Variants in SLC36A4 observed in about 807,000 individuals in gnomAD.
The protein encoded by SLC36A4 is solute carrier family 36 member 4, also known as neutral amino acid uniporter 4.
In SLC36A4, 49 loss-of-function variants were observed where a neutral mutation model predicts 50.5. The ratio of observed to expected loss-of-function variants is 0.97; its 90% CI spans 0.77 to 1.23. The LOEUF is 1.23. Among genes scored for constraint, SLC36A4 ranks in the 50% most tolerant of loss-of-function variants. SLC36A4 has a pLI of 0.00. For synonymous variants in SLC36A4, 207 were observed against 206.5 expected (o/e 1.00, Z -0.02); for missense variants, 611 against 608.4 (o/e 1.00, Z -0.05).
chr11:93,189,641 C>T (rs1398860990), intron 1 of SLC36A4, among the ~76,000 whole-genome samples: 1 of 152,122 alleles, frequency 6.6e-6, no homozygotes, highest in Non-Finnish European at 1.5e-5. Context: ...TTCTTTCTGT[C>T]AGGGAGTGTG....
At chr11:93,154,320 A>G (rs1860247222) in intron 9 of SLC36A4, 43 bp from the exon 10 acceptor site, 4 of 1,042,572 alleles carry the variant, frequency 3.8e-6, no homozygotes, top group South Asian at 3.0e-5. Flanking sequence ...TTTAATGTGA[A>G]TTTAGTTTTC....
In SLC36A4 at chr11:93,144,781, A is replaced by G. The variant is rs964787027; in HGVS notation, c.*3756T>C. 5.9e-5 allele frequency: 9 copies of G among 152,042 alleles called. No homozygotes were observed. Among genetic ancestry groups the G allele is most frequent in the Non-Finnish European group, 2.9e-5 (2 of 67,964 alleles). The allele number at this position is 152,042 out of a possible 1,614,324, so 9.4% of individuals were successfully genotyped here. On this transcript the variant is annotated 3_prime_UTR_variant, in exon 11 of 11. Coordinates refer to ENST00000326402, the MANE Select transcript of SLC36A4 (RefSeq NM_152313.4). ...ATTTAATGTTAGGAAGTACAACTACACTTTTCAGATCCAAGTTTCTCAAAT... is the reference window on the plus strand; with the variant it reads ...ATTTAATGTTAGGAAGTACAACTACGCTTTTCAGATCCAAGTTTCTCAAAT...
intron 6 of SLC36A4, among the ~76,000 whole-genome samples, chr11:93,179,512 A>G (rs1861641055): frequency 6.6e-6 from 1 of 152,232 alleles, no homozygotes. Flanking sequence ...GAAAGGTTTC[A>G]CAGAACAGGT....
chr11:93,176,655 ATC>A (rs1414491822), intron 6 of SLC36A4, among the ~76,000 whole-genome samples: 6 of 150,136 alleles, frequency 4.0e-5, no homozygotes, highest in Non-Finnish European at 8.9e-5. Context: ...TAGTGACAAA[ATC>A]TCTCAGCATT....
At chr11:93,185,391 T>C (rs901037164) in intron 2 of SLC36A4, 2 of 216,486 alleles carry the variant, frequency 9.2e-6, no homozygotes. Flanking sequence ...TAAAGAAGCA[T>C]GTACTACCTC....
chr11:93,158,010 C>G (rs1860444194), intron 9 of SLC36A4, among the ~76,000 whole-genome samples: 1 of 152,028 alleles, frequency 6.6e-6, no homozygotes, highest in Admixed American at 6.6e-5. Flanking sequence ...ATTTATCATA[C>G]AAGAGTAAGA....
chr11:93,172,573 T>C (rs1175895178), intron 6 of SLC36A4, among the ~76,000 whole-genome samples: 2 of 151,128 alleles, frequency 1.3e-5, no homozygotes, highest in African/African-American at 4.9e-5. Flanking sequence ...ATTAGGTATA[T>C]CTCCCAATGC....
At chr11:93,149,868 G>A (rs558414321) in intron 10 of SLC36A4, among the ~76,000 whole-genome samples, 10 of 152,086 alleles carry the variant, frequency 6.6e-5, no homozygotes, top group Admixed American at 3.9e-4. Flanking sequence ...TAACTGTACT[G>A]TGATTATGGA....
intron 1 of SLC36A4, among the ~76,000 whole-genome samples, chr11:93,195,721 A>G (rs1862392015): frequency 6.6e-6 from 1 of 152,186 alleles, no homozygotes; most frequent in Admixed American, 6.5e-5. Context: ...TGCTTCAGCC[A>G]CTTTGTCCTC....
In SLC36A4 at chr11:93,148,829, A is replaced by G; in HGVS notation, c.1223T>C (p.Leu408Pro). The G allele has an allele frequency of 6.2e-7, 1 of 1,608,710 alleles. No homozygotes were observed. The highest frequency in any genetic ancestry group is 8.5e-7 in the Non-Finnish European group (1 of 1,178,346). The change falls in exon 11 of 11, where the codon CTT becomes CCT. Residue 408 changes from leucine (L) to proline (P), a missense_variant. Leu to Pro is a moderately conservative substitution (Grantham distance 98). Transcript: ENST00000326402. ...LVSITCAGAILIPRLDIVISF... is the reference protein window; with the variant it reads ...LVSITCAGAIPIPRLDIVISF... ...AATCACAATGTCTAAACGAGGAATA[A>G]GAATTGCTCCGGCACCTAGAAAATG...
chr11:93,193,855 C>A (rs1862313170), intron 1 of SLC36A4, among the ~76,000 whole-genome samples: 1 of 152,112 alleles, frequency 6.6e-6, no homozygotes, highest in Admixed American at 6.5e-5. Context: ...TTCTGGCAAG[C>A]TAGTGTATGC....
rs957438880 is a variant in SLC36A4 at position 93,197,946 on chromosome 11, C to A, written c.-114G>T. On this transcript the variant is annotated 5_prime_UTR_variant, in exon 1 of 11. Coordinates refer to ENST00000326402, the MANE Select transcript of SLC36A4 (RefSeq NM_152313.4). ...CCCGGAGGGACCCGCGCCTGGTGCC[C>A]GCCTCCCTGCCCCGGCGCTCCCCAA... The A allele has an allele frequency of 1.4e-5, 15 of 1,100,566 alleles. No individual in the cohort carries two copies. Among genetic ancestry groups the A allele is most frequent in the Non-Finnish European group, 1.8e-5 (15 of 825,924 alleles). 68.2% of individuals were successfully genotyped at this position (1,100,566 alleles called of 1,614,324 possible).
At chr11:93,175,329 C>T (rs951568178) in intron 6 of SLC36A4, among the ~76,000 whole-genome samples, 2 of 150,486 alleles carry the variant, frequency 1.3e-5, no homozygotes, top group African/African-American at 2.4e-5. Flanking sequence ...CTATTTGATT[C>T]TTCTCTCTTT....
chr11:93,159,716 T>C (rs561188563), intron 9 of SLC36A4: 1 of 603,098 alleles, frequency 1.7e-6, no homozygotes, highest in South Asian at 7.3e-5. Flanking sequence ...ATGCAATACA[T>C]GTACAGTATT....
intron 10 of SLC36A4, among the ~76,000 whole-genome samples, chr11:93,150,532 G>A (rs1256982500): frequency 6.6e-6 from 1 of 151,944 alleles, no homozygotes; most frequent in Non-Finnish European, 1.5e-5. Context: ...CCTAAAAACT[G>A]TTTTGAAATT....
At chr11:93,189,661 C>T (rs1862133506) in intron 1 of SLC36A4, among the ~76,000 whole-genome samples, 1 of 152,112 alleles carries the variant, frequency 6.6e-6, no homozygotes, top group South Asian at 2.1e-4. Context: ...GCAGTATGTT[C>T]TGTGCTGTAC....
At chr11:93,195,468 T>C (rs762217784) in intron 1 of SLC36A4, among the ~76,000 whole-genome samples, 1 of 152,172 alleles carries the variant, frequency 6.6e-6, no homozygotes, top group African/African-American at 2.4e-5. Flanking sequence ...GCCACTACCA[T>C]ACTGCTCTGA....
At chr11:93,193,808 C>T (rs1270315096) in intron 1 of SLC36A4, among the ~76,000 whole-genome samples, 2 of 152,146 alleles carry the variant, frequency 1.3e-5, no homozygotes, top group Non-Finnish European at 2.9e-5. Context: ...GTATTAAAGT[C>T]TTAAAAATGT....
At chr11:93,156,344 A>T (rs985958460) in intron 9 of SLC36A4, among the ~76,000 whole-genome samples, 5 of 148,054 alleles carry the variant, frequency 3.4e-5, no homozygotes, top group African/African-American at 5.0e-5. Context: ...AATGTTGAGC[A>T]TTTTTTTTTC....
Sources: gnomAD v4.1 joint callset for allele counts (sites outside exome capture counted in the v4.1 genomes callset) on GRCh38, gnomAD v4.1.1 for gene constraint, MANE v1.5 for transcripts, NCBI Gene and HGNC (gene_info 2026-07-23, HGNC 2026-07-21) for gene names.